Variants in RNF217 observed in about 807,000 individuals in gnomAD.
RNF217 encodes ring finger protein 217.
Under a neutral mutation model 57.8 loss-of-function variants are expected in RNF217, and 31 were observed. That is an observed-to-expected ratio of 0.54 (90% CI 0.40 to 0.72). The LOEUF (loss-of-function observed/expected upper bound fraction) is 0.72. Ranked by LOEUF, RNF217 falls within the 30% of genes least tolerant of loss-of-function variation. The pLI is 0.00. For synonymous variants in RNF217, 313 were observed against 294.0 expected, an observed-to-expected ratio of 1.06 and a Z score of -0.66; for missense variants, 696 against 708.3, an observed-to-expected ratio of 0.98 and a Z score of 0.20.
intron 1 of RNF217, among the ~76,000 whole-genome samples, chr6:124,997,902 G>T (rs556498002): frequency 6.6e-6 from 1 of 151,786 alleles, no homozygotes; most frequent in African/African-American, 2.4e-5. Context: ...TGATCCCACC[G>T]CTTGAACTGT....
chr6:125,021,889 C>A (rs1472532063), intron 1 of RNF217, among the ~76,000 whole-genome samples: 1 of 151,800 alleles, frequency 6.6e-6, no homozygotes, highest in Admixed American at 6.6e-5. Context: ...CATGCCTTCC[C>A]CCCTTTTTTT....
intron 3 of RNF217, among the ~76,000 whole-genome samples, chr6:125,074,305 A>T: frequency 1.2e-5 from 1 of 83,230 alleles, no homozygotes; most frequent in Admixed American, 1.3e-4. Context: ...AGGTAGATAG[A>T]TAGATAGATA....
chr6:125,002,653 T>A (rs1023468563), intron 1 of RNF217, among the ~76,000 whole-genome samples: 7 of 152,188 alleles, frequency 4.6e-5, no homozygotes, highest in Admixed American at 4.6e-4. Flanking sequence ...CGTATGTTCC[T>A]GTTTGAAGTC....
Position 125,086,739 on chromosome 6 carries a change from C to T in RNF217, c.*3802C>T, listed in dbSNP as rs1481750115. The T allele has an allele frequency of 6.6e-6, 1 of 152,012 alleles. No individual in the cohort carries two copies. The highest frequency in any genetic ancestry group is 1.5e-5 in the Non-Finnish European group (1 of 67,966). The allele number at this position is 152,012 out of a possible 1,614,324, so 9.4% of individuals were successfully genotyped here. A position where few individuals can be genotyped will look rare whatever the true frequency, so the allele number is the denominator to read the frequency against. ...GTGCTATTGTGTCCTAAGAGTAGAA[C>T]AGACAAGAAAACAAAGATAATTAAA... On this transcript the variant is annotated 3_prime_UTR_variant, in exon 6 of 6. Transcript: ENST00000521654.
Position 125,083,066 on chromosome 6 carries a change from C to G in RNF217, c.*129C>G, listed in dbSNP as rs1050791823. On this transcript the variant is annotated 3_prime_UTR_variant, in exon 6 of 6. Coordinates refer to ENST00000521654, the MANE Select transcript of RNF217 (RefSeq NM_001286398.3). ...TACCATCTCATCTCCCAGTGATTCTCCGTGGGCCACAATGCCTCTAGCTAT... is the reference window on the plus strand; with the variant it reads ...TACCATCTCATCTCCCAGTGATTCTGCGTGGGCCACAATGCCTCTAGCTAT... 1.3e-5 allele frequency: 8 copies of G among 606,562 alleles called. No homozygotes were observed. The highest frequency in any genetic ancestry group is 2.6e-4 in the Middle Eastern group (1 of 3,844). The allele number at this position is 606,562 out of a possible 1,614,324, so 37.6% of individuals were successfully genotyped here.
chr6:124,962,554 G>A lies in RNF217; in HGVS notation c.10G>A (p.Glu4Lys), dbSNP rs1190677838. ...CGGGCCGCGGGCGGCGATGGGCGAG[G>A]AGCAGAGCACGGTGAGCGGCGGCGG... MGE[E>K]QSTVSGGGGP... Residue 4 changes from glutamate (E) to lysine (K), a missense_variant, in exon 1 of 6, where the codon GAG becomes AAG. Transcript: ENST00000521654. The surrounding 1 kb of genome is among the most constrained non-coding windows in gnomAD (Gnocchi z 4.6). The A allele has an allele frequency of 2.1e-5, 26 of 1,226,322 alleles. 1 individual carries two copies. The Admixed American group carries it at 7.8e-4, about 37-fold the overall frequency. 76.0% of individuals were successfully genotyped at this position (1,226,322 alleles called of 1,614,324 possible). A position where few individuals can be genotyped will look rare whatever the true frequency, so the allele number is the denominator to read the frequency against.
intron 1 of RNF217, among the ~76,000 whole-genome samples, chr6:124,998,747 G>A (rs1784847883): frequency 6.6e-6 from 1 of 152,162 alleles, no homozygotes. Context: ...GCTGCAGTGA[G>A]CCATCGCACC....
intron 1 of RNF217, among the ~76,000 whole-genome samples, chr6:125,027,218 C>T (rs1459364249): frequency 6.6e-6 from 1 of 152,034 alleles, no homozygotes; most frequent in Non-Finnish European, 1.5e-5. Context: ...TGTAGTGATC[C>T]TATTGTGCTA....
chr6:125,079,160 A>G (rs1788482782), intron 4 of RNF217, among the ~76,000 whole-genome samples: 1 of 152,178 alleles, frequency 6.6e-6, no homozygotes. Context: ...GGTTCTGCTC[A>G]TAAATTATAA....
At chr6:124,966,725 C>T (rs999458726) in intron 1 of RNF217, among the ~76,000 whole-genome samples, 1 of 152,114 alleles carries the variant, frequency 6.6e-6, no homozygotes, top group Non-Finnish European at 1.5e-5. Flanking sequence ...ATGCACAGTT[C>T]TTTGAAAGAA....
chr6:125,047,789 A>G (rs1787152644), intron 2 of RNF217, among the ~76,000 whole-genome samples: 1 of 152,102 alleles, frequency 6.6e-6, no homozygotes, highest in Admixed American at 6.6e-5. Flanking sequence ...CAACAACACC[A>G]TAAATGTTGA....
At chr6:125,024,891 G>A (rs557336378) in intron 1 of RNF217, among the ~76,000 whole-genome samples, 3 of 152,182 alleles carry the variant, frequency 2.0e-5, no homozygotes, top group African/African-American at 7.2e-5. Context: ...TTAACATGTG[G>A]GAGCTTGCAC....
intron 1 of RNF217, chr6:124,983,656 G>A (rs1784257700): frequency 4.6e-6 from 1 of 218,994 alleles, no homozygotes. Context: ...AATTTCCTAT[G>A]GTGCTTTGTG....
intron 1 of RNF217, among the ~76,000 whole-genome samples, chr6:124,982,849 T>C (rs1041057927): frequency 4.6e-5 from 7 of 152,198 alleles, no homozygotes; most frequent in African/African-American, 1.4e-4. Context: ...ACTCACTTCC[T>C]GGTGAGAAGA....
chr6:124,986,717 C>T (rs1257610966), intron 1 of RNF217, among the ~76,000 whole-genome samples: 1 of 151,860 alleles, frequency 6.6e-6, no homozygotes, highest in East Asian at 1.9e-4. Flanking sequence ...GTTTTGTAGG[C>T]CAAGAGGCAA....
At chr6:125,058,805 A>G (rs1020672159) in intron 3 of RNF217, among the ~76,000 whole-genome samples, 1 of 152,188 alleles carries the variant, frequency 6.6e-6, no homozygotes, top group Admixed American at 6.6e-5. Context: ...TCTATAGTAT[A>G]GGGATCTGTT....
chr6:124,970,909 A>G (rs1783736677), intron 1 of RNF217, among the ~76,000 whole-genome samples: 1 of 152,210 alleles, frequency 6.6e-6, no homozygotes, highest in Admixed American at 6.5e-5. Context: ...TTCCAGCAGG[A>G]TGAGGTTTGA....
At position 125,076,848 on chromosome 6, in the gene RNF217, G is replaced by T. The variant is rs1025564038; in HGVS notation, c.1473G>T (p.Gly491=). ...ERPHLRRLVR[G]SVCAGKLFIA... is the part of the protein sequence containing the mutation. ...CTCATTTAAGGAGATTAGTGCGAGG[G>T]TCAGTCTGTGGTGAGTGTCTGACAT... Residue 491 remains glycine, a synonymous_variant, in exon 4 of 6, where the codon GGG becomes GGT. Transcript: ENST00000521654. 2.5e-6 allele frequency: 4 copies of T among 1,613,106 alleles called. No individual in the cohort carries two copies. Among genetic ancestry groups the T allele is most frequent in the African/African-American group, 2.7e-5 (2 of 74,842 alleles).
intron 1 of RNF217, among the ~76,000 whole-genome samples, chr6:125,028,273 C>T (rs190937191): frequency 1.3e-5 from 2 of 152,110 alleles, no homozygotes; most frequent in East Asian, 3.9e-4. Context: ...AGTATGTACT[C>T]CCAACAATGC....
Sources: gnomAD v4.1 joint callset for allele counts (sites outside exome capture counted in the v4.1 genomes callset) on GRCh38, gnomAD v4.1.1 for gene constraint, Gnocchi (gnomAD v3.1) non-coding constraint, MANE v1.5 for transcripts, NCBI Gene and HGNC (gene_info 2026-07-23, HGNC 2026-07-21) for gene names.